Variants in TRPC4 observed in about 807,000 individuals in gnomAD.
The protein encoded by TRPC4 is short transient receptor potential channel 4.
TRPC4 carries 49 observed loss-of-function variants against 99.4 expected under a neutral mutation model. The observed-to-expected ratio is 0.49, with a 90% CI of 0.39 to 0.63. TRPC4 has a LOEUF of 0.63. Ranked by LOEUF, TRPC4 falls within the 20% of genes least tolerant of loss-of-function variation. The pLI is 0.00. For synonymous variants in TRPC4, 454 were observed against 425.9 expected (o/e 1.07, Z -0.81); for missense variants, 898 against 1,152.9 (o/e 0.78, Z 3.20).
chr13:37,694,841 A>G (rs1289383674), intron 3 of TRPC4, among the ~76,000 whole-genome samples: 1 of 152,138 alleles, frequency 6.6e-6, no homozygotes, highest in Non-Finnish European at 1.5e-5. Context: ...TTGGCTATGT[A>G]TTTGATCCAA....
At chr13:37,663,821 T>C (rs1244246714) in intron 5 of TRPC4, 92 bp from the exon 6 acceptor site, 4 of 1,182,284 alleles carry the variant, frequency 3.4e-6, no homozygotes, top group Non-Finnish European at 4.7e-6. Context: ...TATTAAATTT[T>C]GAACAAAATA....
At chr13:37,835,996 T>C (rs1474598530) in intron 1 of TRPC4, among the ~76,000 whole-genome samples, 1 of 148,994 alleles carries the variant, frequency 6.7e-6, no homozygotes, top group East Asian at 2.0e-4. Context: ...GGTAATTGAA[T>C]CATGGGGGCA....
chr13:37,796,161 C>G (rs1395983020), intron 1 of TRPC4, among the ~76,000 whole-genome samples: 1 of 152,106 alleles, frequency 6.6e-6, no homozygotes, highest in Non-Finnish European at 1.5e-5. Flanking sequence ...CTTAAACAAC[C>G]AGAGTTTAAG....
At chr13:37,813,093 T>A (rs1957750850) in intron 1 of TRPC4, among the ~76,000 whole-genome samples, 1 of 151,730 alleles carries the variant, frequency 6.6e-6, no homozygotes, top group Non-Finnish European at 1.5e-5. Flanking sequence ...TATAAATCAA[T>A]AACAAGAAGA....
At chr13:37,715,702 G>A (rs561474074) in intron 3 of TRPC4, among the ~76,000 whole-genome samples, 13 of 152,202 alleles carry the variant, frequency 8.5e-5, no homozygotes, top group South Asian at 2.1e-4. Context: ...TCTGGACACC[G>A]CATCCGACCT....
intron 2 of TRPC4, among the ~76,000 whole-genome samples, chr13:37,769,098 G>A (rs74047166): frequency 0.047 from 7,068 of 151,380 alleles, 560 homozygotes; most frequent in African/African-American, 0.16. Context: ...TTTATTGATA[G>A]CATTTTAACG....
intron 1 of TRPC4, among the ~76,000 whole-genome samples, chr13:37,842,343 C>CAAAAAAAAAAAAAAAAAAA (rs57428116): frequency 6.4e-5 from 1 of 15,648 alleles, no homozygotes; most frequent in African/African-American, 1.9e-4. Flanking sequence ...AGCGTCTAGC[C>CAAAAAAAAAAAAAAAAAAA]AAAAAAAAAA....
intron 3 of TRPC4, among the ~76,000 whole-genome samples, chr13:37,726,014 G>T (rs1437786729): frequency 6.6e-6 from 1 of 152,018 alleles, no homozygotes; most frequent in Non-Finnish European, 1.5e-5. Flanking sequence ...TGGCCAATAT[G>T]GTGAAACCCC....
chr13:37,647,735 T>C (rs550713849), intron 8 of TRPC4, among the ~76,000 whole-genome samples: 3 of 152,240 alleles, frequency 2.0e-5, no homozygotes, highest in Non-Finnish European at 4.4e-5. Flanking sequence ...AAAGTGAGTG[T>C]CACTGTTCCT....
intron 1 of TRPC4, among the ~76,000 whole-genome samples, chr13:37,807,831 C>A (rs1267364611): frequency 6.6e-6 from 1 of 151,922 alleles, no homozygotes; most frequent in East Asian, 1.9e-4. Flanking sequence ...TAATGAAAAT[C>A]CTCTGTAGTC....
rs1462648574 is a variant in TRPC4 at position 37,639,026 on chromosome 13, A to G, written c.2211+14T>C. ...GCACAATCTGCCTCTTGTGATGAAG[A>G]TGAAAATGGTTACCTTAAAGTTCTC... On this transcript the variant is annotated intron_variant, in intron 10 of 10. Coordinates refer to ENST00000379705, the MANE Select transcript of TRPC4 (RefSeq NM_016179.4). The G allele has an allele frequency of 6.2e-7, 1 of 1,613,050 alleles. No individual in the cohort carries two copies. The highest frequency in any genetic ancestry group is 1.1e-5 in the South Asian group (1 of 91,052).
intron 4 of TRPC4, among the ~76,000 whole-genome samples, chr13:37,684,794 TACACAC>T (rs57132536): frequency 0.13 from 18,198 of 140,614 alleles, 1,148 homozygotes; most frequent in East Asian, 0.27. Flanking sequence ...GAGTACCCCT[TACACAC>T]ACACACACAC....
chr13:37,694,288 A>C (rs555255472), intron 3 of TRPC4, among the ~76,000 whole-genome samples: 15 of 152,344 alleles, frequency 9.8e-5, no homozygotes, highest in African/African-American at 2.9e-4. Context: ...TCATCTTATC[A>C]GTAGTCACAC....
intron 3 of TRPC4, among the ~76,000 whole-genome samples, chr13:37,726,680 C>T (rs539893392): frequency 2.4e-4 from 37 of 152,190 alleles, no homozygotes; most frequent in African/African-American, 8.9e-4. Context: ...ATGAATAAGA[C>T]ATGGCTCAAC....
intron 2 of TRPC4, among the ~76,000 whole-genome samples, chr13:37,770,820 C>T (rs992005493): frequency 4.6e-5 from 7 of 151,526 alleles, no homozygotes; most frequent in African/African-American, 9.7e-5. Context: ...CAGGATGAAG[C>T]GTGTATCGTA....
Position 37,832,874 on chromosome 13 carries a change from A to G in TRPC4, c.-28+36721T>C, listed in dbSNP as rs556196793. Among the ~76,000 whole-genome samples the G allele has an allele frequency of 1.4e-4, 22 of 152,296 alleles. No individual in the cohort carries two copies. In the South Asian group the frequency reaches 4.6e-3, roughly 32 times the overall value. On this transcript the variant is annotated intron_variant, in intron 1 of 10. Coordinates refer to ENST00000379705, the MANE Select transcript of TRPC4 (RefSeq NM_016179.4). Reference sequence around the variant, plus strand: ...AGAAAACTACAGTATGTATCTATTGATTAACCTCTAAACCCTTTAAAAACT... The same window carrying G: ...AGAAAACTACAGTATGTATCTATTGGTTAACCTCTAAACCCTTTAAAAACT...
At chr13:37,834,797 G>A (rs781429768) in intron 1 of TRPC4, among the ~76,000 whole-genome samples, 2 of 152,126 alleles carry the variant, frequency 1.3e-5, no homozygotes, top group African/African-American at 2.4e-5. Flanking sequence ...GCACAATCTC[G>A]GCTCACTGTA....
At chr13:37,794,879 A>G (rs1957208016) in intron 1 of TRPC4, among the ~76,000 whole-genome samples, 3 of 152,154 alleles carry the variant, frequency 2.0e-5, no homozygotes, top group African/African-American at 7.2e-5. Context: ...AGAATTCTGT[A>G]ACTGTTCAGA....
rs535966711 is a variant in TRPC4 at position 37,757,132 on chromosome 13, T to C, written c.379-10677A>G. ...GGTAACATGAATGCCTATTAGTACA[T>C]TAAATAAAAAGTTACACTGGAAGAT... On this transcript the variant is annotated intron_variant, in intron 2 of 10. Coordinates refer to ENST00000379705, the MANE Select transcript of TRPC4 (RefSeq NM_016179.4). Among the ~76,000 whole-genome samples, 3 of 152,078 alleles carry C rather than the reference T, an allele frequency of 2.0e-5. No homozygotes were observed. In the East Asian group the frequency reaches 5.8e-4, roughly 30 times the overall value.
Sources: allele counts gnomAD v4.1 joint callset (sites outside exome capture counted in the v4.1 genomes callset), GRCh38; gene constraint gnomAD v4.1.1; transcripts MANE v1.5; gene names NCBI Gene and HGNC (gene_info 2026-07-23, HGNC 2026-07-21).